Variants in TRAF3 observed in about 807,000 individuals in gnomAD.
TRAF3 encodes TNF receptor associated factor 3.
A neutral mutation model predicts 62.3 loss-of-function variants in TRAF3; 13 were observed. That is an observed-to-expected ratio of 0.21 (90% confidence interval 0.14 to 0.33). The LOEUF is 0.33. Among genes scored for constraint, TRAF3 ranks in the 10% least tolerant of loss-of-function variants. The pLI, the probability that TRAF3 is intolerant of heterozygous loss-of-function variation, is 1.00. For synonymous variants in TRAF3, 269 were observed against 283.4 expected (o/e 0.95, Z 0.51); for missense variants, 440 against 741.8 (o/e 0.59, Z 4.73).
intron 2 of TRAF3, among the ~76,000 whole-genome samples, chr14:102,852,043 AAAAG>A (rs1887073279): frequency 6.6e-6 from 1 of 152,226 alleles, no homozygotes; most frequent in Non-Finnish European, 1.5e-5. Flanking sequence ...TGACGGCAAG[AAAAG>A]AAAGAAAATA....
chr14:102,829,489 T>TGA (rs1193833909), intron 1 of TRAF3, among the ~76,000 whole-genome samples: 1 of 152,192 alleles, frequency 6.6e-6, no homozygotes, highest in East Asian at 1.9e-4. Flanking sequence ...TGTGTGTGTG[T>TGA]GATGACCTGC....
chr14:102,796,638 C>G (rs904448057), intron 1 of TRAF3, among the ~76,000 whole-genome samples: 1 of 152,202 alleles, frequency 6.6e-6, no homozygotes, highest in Admixed American at 6.5e-5. Flanking sequence ...GGGAAAAACA[C>G]AGGTTGAGAG....
intron 10 of TRAF3, among the ~76,000 whole-genome samples, chr14:102,901,853 CA>C (rs1203215510): frequency 6.6e-6 from 1 of 152,246 alleles, no homozygotes; most frequent in African/African-American, 2.4e-5. Flanking sequence ...GAAGTGAATT[CA>C]GGGGGCCCTG....
At chr14:102,806,603 G>T (rs958763662) in intron 1 of TRAF3, among the ~76,000 whole-genome samples, 1 of 152,124 alleles carries the variant, frequency 6.6e-6, no homozygotes, top group African/African-American at 2.4e-5. Context: ...GTATGTGCCG[G>T]GCACCCTCCT....
intron 1 of TRAF3, among the ~76,000 whole-genome samples, chr14:102,823,812 A>G (rs1900120361): frequency 6.6e-6 from 1 of 152,160 alleles, no homozygotes. Context: ...ATATTCACAG[A>G]GTTGTGCAGC....
chr14:102,782,512 C>G (rs1361934721), intron 1 of TRAF3, among the ~76,000 whole-genome samples: 1 of 152,104 alleles, frequency 6.6e-6, no homozygotes, highest in Non-Finnish European at 1.5e-5. Flanking sequence ...GGATTACAGG[C>G]GTGAGCCACC....
intron 7 of TRAF3, among the ~76,000 whole-genome samples, chr14:102,888,215 C>T (rs556717114): frequency 2.3e-4 from 35 of 152,316 alleles, no homozygotes; most frequent in African/African-American, 7.7e-4. Context: ...CCTGGTTCTG[C>T]GCAGTCTTCA....
chr14:102,884,576 G>A (rs1294404992), intron 6 of TRAF3, among the ~76,000 whole-genome samples: 2 of 152,214 alleles, frequency 1.3e-5, no homozygotes, highest in South Asian at 2.1e-4. Context: ...TTGGGAGGCC[G>A]AGGCAGGTGG....
At chr14:102,892,000 C>G (rs920250637) in intron 9 of TRAF3, among the ~76,000 whole-genome samples, 1 of 151,198 alleles carries the variant, frequency 6.6e-6, no homozygotes, top group African/African-American at 2.4e-5. Context: ...TTGGTGCGCT[C>G]TCCACATAGA....
chr14:102,777,733 C>G (rs71421264), intron 1 of TRAF3, 58 bp downstream of exon 1: 65,248 of 144,068 alleles, frequency 0.45, 16,634 homozygotes, highest in Non-Finnish European at 0.58. Flanking sequence ...CCTCCATCCC[C>G]GTCGCCTCCA....
At chr14:102,801,524 A>G (rs1429121167) in intron 1 of TRAF3, among the ~76,000 whole-genome samples, 2 of 151,894 alleles carry the variant, frequency 1.3e-5, no homozygotes, top group Admixed American at 6.6e-5. Context: ...GGCACCCAAC[A>G]AATGCAGCTA....
Position 102,876,510 on chromosome 14 carries a change from G to A in TRAF3, c.555G>A (p.Pro185=), listed in dbSNP as rs773018513. The A allele has an allele frequency of 2.5e-6, 4 of 1,613,684 alleles. No individual in the cohort carries two copies. Among genetic ancestry groups the A allele is most frequent in the African/African-American group, 2.7e-5 (2 of 74,926 alleles). ...ATCSHCKSQV[P]MIALQKHEDT... is the part of the protein sequence containing the mutation. ...GCAGCCACTGCAAGAGTCAGGTTCC[G>A]ATGATCGCGCTGCAGGTGCGGGTCC... The change falls in exon 6 of 12, where the codon CCG becomes CCA. Residue 185 remains proline, a synonymous_variant. Transcript: ENST00000392745.
intron 2 of TRAF3, among the ~76,000 whole-genome samples, chr14:102,861,772 A>C (rs1203505728): frequency 6.6e-6 from 1 of 152,242 alleles, no homozygotes; most frequent in Non-Finnish European, 1.5e-5. Flanking sequence ...TAGGCAGAGC[A>C]GCCGATTTGT....
At chr14:102,869,145 G>A (rs1402223272) in intron 2 of TRAF3, among the ~76,000 whole-genome samples, 1 of 152,244 alleles carries the variant, frequency 6.6e-6, no homozygotes, top group Non-Finnish European at 1.5e-5. Flanking sequence ...GTGACATGGT[G>A]TGACGTGCTC....
chr14:102,842,734 G>T (rs1349215702), intron 2 of TRAF3, among the ~76,000 whole-genome samples: 1 of 152,104 alleles, frequency 6.6e-6, no homozygotes. Context: ...CAGAAGAAAA[G>T]ACACATTACA....
At chr14:102,845,979 TCAAAAAA>T (rs1378319186) in intron 2 of TRAF3, among the ~76,000 whole-genome samples, 1 of 29,848 alleles carries the variant, frequency 3.4e-5, no homozygotes, top group African/African-American at 2.0e-4. Flanking sequence ...CGACCGTGTC[TCAAAAAA>T]AAAAAAAAAA....
intron 1 of TRAF3, among the ~76,000 whole-genome samples, chr14:102,824,199 T>C (rs959198765): frequency 3.9e-5 from 6 of 152,234 alleles, no homozygotes; most frequent in African/African-American, 1.4e-4. Flanking sequence ...GTTTGCTACT[T>C]GTGACTGGGG....
chr14:102,835,495 C>T (rs1227119434), intron 2 of TRAF3, among the ~76,000 whole-genome samples: 2 of 152,140 alleles, frequency 1.3e-5, no homozygotes, highest in Non-Finnish European at 1.5e-5. Context: ...ACATGGAATC[C>T]ACTGAAATGC....
rs138819445 is a variant in TRAF3, at chr14:102,869,618, A to C, written c.-17-567A>C. Among the ~76,000 whole-genome samples, 13 of 152,030 alleles carry C rather than the reference A, an allele frequency of 8.6e-5. No homozygotes were observed. In the East Asian group the frequency reaches 2.3e-3, roughly 27 times the overall value. On this transcript the variant is annotated intron_variant, in intron 2 of 11. Transcript: ENST00000392745. The stretch of plus-strand genomic sequence containing the variant: ...TCAGGAGATTGAGATCATCCCGGCT[A>C]ATGTGGTAAAACCCCGTCTCTACTA...
Sources: allele counts gnomAD v4.1 joint callset (sites outside exome capture counted in the v4.1 genomes callset), GRCh38; gene constraint gnomAD v4.1.1; transcripts MANE v1.5; gene names NCBI Gene and HGNC (gene_info 2026-07-23, HGNC 2026-07-21).